The following EYS variants were observed in gnomAD, a reference collection of about 807,000 sequenced individuals.
EYS encodes protein eyes shut homolog.
Under a neutral mutation model 282.1 loss-of-function variants are expected in EYS, and 250 were observed. The ratio of observed to expected loss-of-function variants is 0.89; its 90% CI spans 0.80 to 0.98. EYS has a LOEUF of 0.98. Among genes scored for constraint, EYS ranks in the 50% least tolerant of loss-of-function variants. EYS has a pLI of 0.00. For missense variants in EYS, 4,016 were observed against 3,709.0 expected, an observed-to-expected ratio of 1.08 and a Z score of -2.15; for synonymous variants, 1,355 against 1,282.9, an observed-to-expected ratio of 1.06 and a Z score of -1.20.
chr6:64,693,751 T>G (rs921536546), intron 22 of EYS, among the ~76,000 whole-genome samples: 25 of 152,154 alleles, frequency 1.6e-4, no homozygotes, highest in South Asian at 4.1e-4. Context: ...ATTAATTTTT[T>G]TAAAAAATCA....
chr6:64,893,527 A>C (rs1767357470), intron 18 of EYS, among the ~76,000 whole-genome samples: 1 of 151,994 alleles, frequency 6.6e-6, no homozygotes, highest in African/African-American at 2.4e-5. Context: ...CAATAGGTTA[A>C]GTTTTTCAAA....
At chr6:63,878,628 C>T (rs1773044352) in intron 35 of EYS, among the ~76,000 whole-genome samples, 1 of 152,218 alleles carries the variant, frequency 6.6e-6, no homozygotes, top group Non-Finnish European at 1.5e-5. Flanking sequence ...GCTCCACCCA[C>T]TTCGAGCTTC....
chr6:65,317,777 T>TTC lies in EYS; in HGVS notation c.1766+17202_1766+17203insGA, dbSNP rs1769333110. Among the ~76,000 whole-genome samples, 36 of 57,414 alleles carry TTC rather than the reference T, an allele frequency of 6.3e-4. 2 individuals are homozygous for TTC. Among genetic ancestry groups the TTC allele is most frequent in the Non-Finnish European group, 8.6e-4 (22 of 25,486 alleles). The allele number at this position is 57,414 out of a possible 152,430, so 37.7% of individuals were successfully genotyped here. A position where few individuals can be genotyped will look rare whatever the true frequency, so the allele number is the denominator to read the frequency against. On this transcript the variant is annotated intron_variant, in intron 11 of 42. Transcript: ENST00000503581. ...GCTCTTGGCTGGAGGCTACATTTTC[T>TTC]CTTCCTTCCTTCCTTCCTTCCTTCC...
chr6:63,878,917 A>T (rs374894433), intron 35 of EYS, among the ~76,000 whole-genome samples: 2 of 152,172 alleles, frequency 1.3e-5, no homozygotes, highest in Admixed American at 6.5e-5. Context: ...CCGACTCCTT[A>T]TGCTTCCTGG....
At chr6:63,887,736 G>A (rs1453567690) in intron 35 of EYS, among the ~76,000 whole-genome samples, 1 of 151,092 alleles carries the variant, frequency 6.6e-6, no homozygotes, top group East Asian at 2.0e-4. Context: ...GCAGCCGTTT[G>A]GGCAGCCACT....
At chr6:64,214,404 C>T (rs1043124571) in intron 31 of EYS, among the ~76,000 whole-genome samples, 1 of 152,068 alleles carries the variant, frequency 6.6e-6, no homozygotes, top group Admixed American at 6.6e-5. Flanking sequence ...TGTGAAAAAG[C>T]AAAAGACATT....
intron 26 of EYS, among the ~76,000 whole-genome samples, chr6:64,440,147 G>A (rs1261688585): frequency 6.6e-6 from 1 of 151,188 alleles, no homozygotes; most frequent in Non-Finnish European, 1.5e-5. Context: ...TAAAACTTTC[G>A]AATTATGTAT....
chr6:64,533,270 A>G (rs956771468), intron 26 of EYS, among the ~76,000 whole-genome samples: 128 of 152,316 alleles, frequency 8.4e-4, no homozygotes, highest in African/African-American at 2.8e-3. Flanking sequence ...GAAGTAAAAA[A>G]GAGTGGAACA....
intron 33 of EYS, among the ~76,000 whole-genome samples, chr6:64,004,909 G>A (rs936762834): frequency 1.3e-5 from 2 of 152,054 alleles, no homozygotes; most frequent in African/African-American, 4.8e-5. Context: ...ATTGTGAATA[G>A]TGCTGTGATG....
At chr6:64,162,293 A>G (rs1241927719) in intron 31 of EYS, among the ~76,000 whole-genome samples, 1 of 152,164 alleles carries the variant, frequency 6.6e-6, no homozygotes, top group Non-Finnish European at 1.5e-5. Context: ...AATTTCTGTC[A>G]TCTTCACTGG....
intron 31 of EYS, among the ~76,000 whole-genome samples, chr6:64,105,872 A>G (rs1242198581): frequency 6.6e-6 from 1 of 152,146 alleles, no homozygotes; most frequent in Non-Finnish European, 1.5e-5. Context: ...GAGCTACTCC[A>G]GCTTTCATTT....
At chr6:64,373,109 G>T (rs920996788) in intron 29 of EYS, among the ~76,000 whole-genome samples, 1 of 152,194 alleles carries the variant, frequency 6.6e-6, no homozygotes, top group Admixed American at 6.5e-5. Flanking sequence ...GGGAGCTATT[G>T]TGGTTGTTTG....
At chr6:65,648,061 A>G (rs1300730882) in intron 1 of EYS, among the ~76,000 whole-genome samples, 1 of 152,198 alleles carries the variant, frequency 6.6e-6, no homozygotes, top group Non-Finnish European at 1.5e-5. Context: ...AAAAGGAAAC[A>G]CTTTTACACT....
intron 7 of EYS, among the ~76,000 whole-genome samples, chr6:65,391,435 C>A (rs1296953213): frequency 6.6e-6 from 1 of 152,022 alleles, no homozygotes. Context: ...TGTCTCAGCC[C>A]AAAACCTCCT....
At chr6:64,436,086 C>A (rs992534984) in intron 28 of EYS, 88 bp downstream of exon 28, 5 of 708,148 alleles carry the variant, frequency 7.1e-6, no homozygotes, top group South Asian at 2.7e-5. Context: ...ATCAGTATAA[C>A]CTCAATTTTG....
intron 1 of EYS, among the ~76,000 whole-genome samples, chr6:65,672,984 G>A (rs1582587631): frequency 6.6e-6 from 1 of 151,954 alleles, no homozygotes; most frequent in African/African-American, 2.4e-5. Flanking sequence ...GCTCAGTGGG[G>A]AGCTTCTGAG....
At chr6:65,179,344 T>C (rs1765312183) in intron 12 of EYS, among the ~76,000 whole-genome samples, 1 of 150,656 alleles carries the variant, frequency 6.6e-6, no homozygotes, top group South Asian at 2.1e-4. Context: ...GAGAGAAGAA[T>C]CAAATAGATG....
chr6:64,045,238 T>A (rs1052041887), intron 33 of EYS, among the ~76,000 whole-genome samples: 1 of 151,920 alleles, frequency 6.6e-6, no homozygotes, highest in Non-Finnish European at 1.5e-5. Flanking sequence ...TTTTTAATAA[T>A]GAAAAACTTT....
intron 12 of EYS, among the ~76,000 whole-genome samples, chr6:65,163,689 T>C (rs2150223094): frequency 6.6e-6 from 1 of 151,442 alleles, no homozygotes; most frequent in Non-Finnish European, 1.5e-5. Flanking sequence ...ATATTATCCA[T>C]GAATTAAAAA....
Sources: allele counts gnomAD v4.1 joint callset (sites outside exome capture counted in the v4.1 genomes callset), GRCh38; gene constraint gnomAD v4.1.1; transcripts MANE v1.5; gene names NCBI Gene and HGNC (gene_info 2026-07-23, HGNC 2026-07-21).